The following CNTN4 variants were observed in gnomAD, a reference collection of about 807,000 sequenced individuals.
CNTN4 encodes the protein contactin 4.
Under a neutral mutation model 122.5 loss-of-function variants are expected in CNTN4, and 77 were observed. The ratio of observed to expected loss-of-function variants is 0.63; its 90% CI spans 0.52 to 0.76. CNTN4 has a LOEUF of 0.76. CNTN4 is among the 30% of genes least tolerant of loss of function. The pLI is 0.00. For synonymous variants in CNTN4, 512 were observed against 447.0 expected (o/e 1.15, Z -1.83); for missense variants, 1,256 against 1,259.1 (o/e 1.00, Z 0.04).
Position 2,258,064 on chromosome 3 carries a change from AAATC to A in CNTN4, c.-144-81096_-144-81093del, listed in dbSNP as rs896481975. On this transcript the variant is annotated intron_variant, in intron 2 of 24. Transcript: ENST00000418658. Reference sequence around the variant, plus strand: ...GGCAATAGAATGAGACTCCATCTCAAAATCAATCAATCAATCAATCAGGAAACAA... The same window carrying A: ...GGCAATAGAATGAGACTCCATCTCAAAATCAATCAATCAATCAGGAAACAA... 1.6e-4 allele frequency among the ~76,000 whole-genome samples: 25 copies of A among 152,268 alleles called. No homozygotes were observed. The East Asian group carries it at 1.7e-3, about 11-fold the overall frequency.
intron 8 of CNTN4, among the ~76,000 whole-genome samples, chr3:2,878,263 C>G (rs139307792): frequency 6.6e-6 from 1 of 152,220 alleles, no homozygotes; most frequent in African/African-American, 2.4e-5. Flanking sequence ...ATATACAGAT[C>G]ATTTTAGTAA....
chr3:2,683,128 A>G (rs1219410481), intron 4 of CNTN4, among the ~76,000 whole-genome samples: 3 of 152,186 alleles, frequency 2.0e-5, no homozygotes, highest in Non-Finnish European at 2.9e-5. Context: ...CCAGAGTGTC[A>G]CAAACTCTTT....
intron 3 of CNTN4, among the ~76,000 whole-genome samples, chr3:2,364,439 G>GA (rs1175403136): frequency 6.6e-6 from 1 of 152,116 alleles, no homozygotes; most frequent in Non-Finnish European, 1.5e-5. Context: ...ACAGCAGGGA[G>GA]AAAGGGGTCC....
At chr3:2,689,988 C>G (rs17018664) in intron 4 of CNTN4, among the ~76,000 whole-genome samples, 1 of 151,990 alleles carries the variant, frequency 6.6e-6, no homozygotes, top group African/African-American at 2.4e-5. Flanking sequence ...GTCTTCTCAT[C>G]ACTTTCTATT....
At chr3:2,624,582 T>C (rs2082111004) in intron 4 of CNTN4, among the ~76,000 whole-genome samples, 1 of 151,604 alleles carries the variant, frequency 6.6e-6, no homozygotes, top group Non-Finnish European at 1.5e-5. Context: ...AGATAAAGTT[T>C]GCAATGAGAT....
intron 10 of CNTN4, among the ~76,000 whole-genome samples, chr3:2,890,143 C>T (rs1295842510): frequency 1.3e-5 from 2 of 152,162 alleles, no homozygotes; most frequent in Admixed American, 6.5e-5. Context: ...TTGGCTATTG[C>T]ATTTATGTTT....
intron 2 of CNTN4, among the ~76,000 whole-genome samples, chr3:2,240,454 A>T (rs534469908): frequency 6.6e-6 from 1 of 152,246 alleles, no homozygotes; most frequent in East Asian, 1.9e-4. Flanking sequence ...TCAAATGACC[A>T]TTACTTCATA....
At chr3:2,533,778 C>T (rs924350020) in intron 3 of CNTN4, among the ~76,000 whole-genome samples, 4 of 152,132 alleles carry the variant, frequency 2.6e-5, no homozygotes, top group Non-Finnish European at 5.9e-5. Flanking sequence ...CCTGTTGTTT[C>T]CTGACTCTTT....
At chr3:2,628,654 C>T (rs1002376034) in intron 4 of CNTN4, among the ~76,000 whole-genome samples, 1 of 152,108 alleles carries the variant, frequency 6.6e-6, no homozygotes, top group Non-Finnish European at 1.5e-5. Context: ...TCTATTCTCT[C>T]AATTTAGAAA....
intron 13 of CNTN4, among the ~76,000 whole-genome samples, chr3:2,974,684 A>C (rs886428633): frequency 5.3e-5 from 8 of 152,310 alleles, no homozygotes; most frequent in East Asian, 3.9e-4. Context: ...TGCTTCCCAG[A>C]AGGCAAAGAT....
At chr3:2,943,085 T>C (rs896387897) in intron 13 of CNTN4, among the ~76,000 whole-genome samples, 2 of 152,064 alleles carry the variant, frequency 1.3e-5, no homozygotes, top group Non-Finnish European at 2.9e-5. Context: ...TACTATACAG[T>C]AGGGCAAAGA....
intron 3 of CNTN4, among the ~76,000 whole-genome samples, chr3:2,502,287 C>T (rs530427609): frequency 2.6e-5 from 4 of 152,294 alleles, no homozygotes; most frequent in Non-Finnish European, 5.9e-5. Context: ...TGGAGTTTTA[C>T]TATCCACGTG....
chr3:2,406,517 T>C lies in CNTN4; in HGVS notation c.-89+67284T>C, dbSNP rs1021178183. ...TATAGTTTGTTCCCTGTTTTGATAA[T>C]TGCACTGTGGTTATGTAAGGTATGA... is the stretch of plus-strand genomic sequence containing the variant. On this transcript the variant is annotated intron_variant, in intron 3 of 24. Transcript: ENST00000418658. Among the ~76,000 whole-genome samples the C allele has an allele frequency of 2.1e-4, 32 of 152,222 alleles. 3 individuals are homozygous for C. The highest frequency in any genetic ancestry group is 1.6e-3 in the Admixed American group (24 of 15,278).
intron 3 of CNTN4, chr3:2,362,798 A>G (rs2045212177): frequency 5.1e-6 from 1 of 195,560 alleles, no homozygotes; most frequent in Non-Finnish European, 1.1e-5. Flanking sequence ...GGAAAGAGAA[A>G]AAGGGAAGCT....
At chr3:2,359,586 CTG>C (rs2045030663) in intron 3 of CNTN4, among the ~76,000 whole-genome samples, 2 of 152,142 alleles carry the variant, frequency 1.3e-5, no homozygotes, top group African/African-American at 4.8e-5. Context: ...GTCGCCCAGG[CTG>C]GAGTGCAGTG....
At chr3:2,336,867 C>T (rs1190921842) in intron 2 of CNTN4, among the ~76,000 whole-genome samples, 2 of 152,144 alleles carry the variant, frequency 1.3e-5, no homozygotes, top group African/African-American at 2.4e-5. Context: ...AGACTGGCTT[C>T]TTTAACAATA....
At chr3:2,331,201 G>A (rs994910633) in intron 2 of CNTN4, among the ~76,000 whole-genome samples, 1 of 152,188 alleles carries the variant, frequency 6.6e-6, no homozygotes, top group African/African-American at 2.4e-5. Context: ...GGGCTAAAAT[G>A]CCTACCTACA....
intron 2 of CNTN4, among the ~76,000 whole-genome samples, chr3:2,281,379 A>G (rs1009403924): frequency 2.6e-5 from 4 of 152,082 alleles, no homozygotes; most frequent in Admixed American, 1.3e-4. Flanking sequence ...AACCACAACT[A>G]TTATGCTTGT....
rs187170849 is a variant in CNTN4 at position 3,022,952 on chromosome 3, C to T, written c.1487-3150C>T. Reference sequence around the variant, plus strand: ...TAATTGCCTTTGAGAGTTCTATGCACGGAACAATAGCTGAAGTGACTCTTC... The same window carrying T: ...TAATTGCCTTTGAGAGTTCTATGCATGGAACAATAGCTGAAGTGACTCTTC... On this transcript the variant is annotated intron_variant, in intron 14 of 24. Coordinates refer to ENST00000418658, the MANE Select transcript of CNTN4 (RefSeq NM_175607.3). Among the ~76,000 whole-genome samples, 170 of 152,142 alleles carry T rather than the reference C, an allele frequency of 1.1e-3. 1 individual carries two copies. The highest frequency in any genetic ancestry group is 1.7e-3 in the Non-Finnish European group (116 of 68,000).
Sources: allele counts gnomAD v4.1 joint callset (sites outside exome capture counted in the v4.1 genomes callset), GRCh38; gene constraint gnomAD v4.1.1; transcripts MANE v1.5; gene names NCBI Gene and HGNC (gene_info 2026-07-23, HGNC 2026-07-21).